PIGL: variants seen among roughly 807,000 people sequenced by gnomAD.
PIGL encodes the protein phosphatidylinositol glycan anchor biosynthesis class L, also known as N-acetylglucosaminyl-phosphatidylinositol de-N-acetylase.
In PIGL, 22 loss-of-function variants were observed where a neutral mutation model predicts 31.1. The observed-to-expected ratio is 0.71, with a 90% CI of 0.51 to 1.01. The LOEUF is 1.01. Among genes scored for constraint, PIGL ranks in the 50% least tolerant of loss-of-function variants. The probability of loss-of-function intolerance (pLI) is 0.00; values close to 1 mark genes in which losing one functional copy is unlikely to be tolerated. For synonymous variants in PIGL, 131 were observed against 117.4 expected, an observed-to-expected ratio of 1.12 and a Z score of -0.75; for missense variants, 302 against 315.9, an observed-to-expected ratio of 0.96 and a Z score of 0.33.
At chr17:16,278,169 C>T (rs1365079126) in intron 2 of PIGL, among the ~76,000 whole-genome samples, 1 of 152,058 alleles carries the variant, frequency 6.6e-6, no homozygotes, top group Non-Finnish European at 1.5e-5. Flanking sequence ...AATTCTTCTG[C>T]CTCAGTCTAC....
intron 1 of PIGL, among the ~76,000 whole-genome samples, chr17:16,221,387 A>G (rs553979975): frequency 7.9e-5 from 12 of 152,208 alleles, no homozygotes; most frequent in African/African-American, 2.6e-4. Flanking sequence ...TCTTGGGCTC[A>G]AGTGATCCTC....
At chr17:16,313,430 T>A (rs895663352) in intron 3 of PIGL, 117 bp from the exon 4 acceptor site, 13 of 766,350 alleles carry the variant, frequency 1.7e-5, no homozygotes, top group South Asian at 2.9e-5. Context: ...TTCAGATAGA[T>A]GCTGCATTTG....
At chr17:16,246,258 AC>A (rs1302172143) in intron 2 of PIGL, among the ~76,000 whole-genome samples, 1 of 150,926 alleles carries the variant, frequency 6.6e-6, no homozygotes, top group African/African-American at 2.4e-5. Context: ...GGTGGCTCAC[AC>A]CTGTAATCCC....
rs1218155885 is a variant in PIGL, at chr17:16,302,592, CT to C, written c.426+2621del. ...TGCTCCTGCTGTAGGGTACTCTTAT[CT>C]TTTTTTCTTTTTCTTTTTTTTCTGT... On this transcript the variant is annotated intron_variant, in intron 3 of 6. Coordinates refer to ENST00000225609, the MANE Select transcript of PIGL (RefSeq NM_004278.4). Among the ~76,000 whole-genome samples the C allele has an allele frequency of 5.3e-5, 8 of 152,098 alleles. No homozygotes were observed. The East Asian group carries it at 1.5e-3, about 29-fold the overall frequency.
chr17:16,220,208 T>C (rs1430187802), intron 1 of PIGL, among the ~76,000 whole-genome samples: 1 of 151,872 alleles, frequency 6.6e-6, no homozygotes, highest in African/African-American at 2.4e-5. Flanking sequence ...ATTAGCTGGC[T>C]GTGGTGGTCC....
At chr17:16,217,646 A>AAT in intron 1 of PIGL, 185 bp downstream of exon 1, 7 of 511,604 alleles carry the variant, frequency 1.4e-5, no homozygotes, top group Non-Finnish European at 2.1e-5. Flanking sequence ...GGGTTGGGGG[A>AAT]CGTCGGCAGC....
chr17:16,279,431 A>G (rs1375783482), intron 2 of PIGL, among the ~76,000 whole-genome samples: 2 of 152,250 alleles, frequency 1.3e-5, no homozygotes, highest in East Asian at 1.9e-4. Context: ...AAATGAATGC[A>G]TATAATAAAG....
intron 2 of PIGL, among the ~76,000 whole-genome samples, chr17:16,243,802 A>G (rs149791806): frequency 6.0e-4 from 91 of 152,320 alleles, no homozygotes; most frequent in Non-Finnish European, 7.5e-4. Context: ...CACCTTGCCC[A>G]CTGCCTAGAC....
At chr17:16,309,491 G>A (rs768355019) in intron 3 of PIGL, among the ~76,000 whole-genome samples, 2 of 152,140 alleles carry the variant, frequency 1.3e-5, no homozygotes, top group African/African-American at 2.4e-5. Context: ...GGCCGGGCAC[G>A]GTGGCTCACA....
At chr17:16,257,964 G>C (rs1411841557) in intron 2 of PIGL, among the ~76,000 whole-genome samples, 1 of 151,010 alleles carries the variant, frequency 6.6e-6, no homozygotes, top group Admixed American at 6.6e-5. Context: ...TTGGGAGGTT[G>C]AGGTGGGAGA....
In PIGL at chr17:16,258,098, AG is replaced by A. The variant is rs1568802808; in HGVS notation, c.335+24029del. 2.0e-3 allele frequency among the ~76,000 whole-genome samples: 258 copies of A among 130,218 alleles called. 1 individual carries two copies. The highest frequency in any genetic ancestry group is 0.012 in the East Asian group (54 of 4,654). 85.4% of individuals were successfully genotyped at this position (130,218 alleles called of 152,430 possible). A position where few individuals can be genotyped will look rare whatever the true frequency, so the allele number is the denominator to read the frequency against. On this transcript the variant is annotated intron_variant, in intron 2 of 6. Transcript: ENST00000225609. ...GAGAGAGAGAGAGAGAGAGAGAGAGAGAGAAAGAGAGAGAGAGAGAGAGAGA... is the reference window on the plus strand; with the variant it reads ...GAGAGAGAGAGAGAGAGAGAGAGAGAAGAAAGAGAGAGAGAGAGAGAGAGA...
intron 2 of PIGL, among the ~76,000 whole-genome samples, chr17:16,243,211 A>G (rs1049477734): frequency 1.3e-5 from 2 of 151,692 alleles, no homozygotes; most frequent in Non-Finnish European, 2.9e-5. Flanking sequence ...CCACCCACCC[A>G]GCTAATTTTT....
chr17:16,270,783 G>C (rs2092868290), intron 2 of PIGL, among the ~76,000 whole-genome samples: 1 of 151,942 alleles, frequency 6.6e-6, no homozygotes, highest in African/African-American at 2.4e-5. Context: ...TGTAATCCCA[G>C]CTACTCGGGA....
chr17:16,267,641 G>A (rs992493795), intron 2 of PIGL, among the ~76,000 whole-genome samples: 22 of 151,100 alleles, frequency 1.5e-4, no homozygotes, highest in Admixed American at 5.3e-4. Context: ...ACTGCAGTGG[G>A]CTATGATGGT....
intron 2 of PIGL, among the ~76,000 whole-genome samples, chr17:16,268,270 A>G (rs930115688): frequency 1.6e-4 from 25 of 152,150 alleles, no homozygotes; most frequent in African/African-American, 5.6e-4. Flanking sequence ...GCTGCATGCT[A>G]TGATATTGGG....
chr17:16,300,864 A>G (rs978062675), intron 3 of PIGL, among the ~76,000 whole-genome samples: 1 of 152,160 alleles, frequency 6.6e-6, no homozygotes, highest in Non-Finnish European at 1.5e-5. Flanking sequence ...TTTTGATGCA[A>G]TTAGAGCAAT....
At chr17:16,320,925 G>T (rs1318968821) in intron 6 of PIGL, among the ~76,000 whole-genome samples, 1 of 134,466 alleles carries the variant, frequency 7.4e-6, no homozygotes, top group Non-Finnish European at 1.6e-5. Context: ...ATGAGCCACT[G>T]TGCCTGGCCA....
chr17:16,220,775 AC>A (rs2092625030), intron 1 of PIGL, among the ~76,000 whole-genome samples: 1 of 152,028 alleles, frequency 6.6e-6, no homozygotes. Flanking sequence ...GGCGTGAGCC[AC>A]CGCGCCCAGC....
intron 2 of PIGL, among the ~76,000 whole-genome samples, chr17:16,254,816 A>G (rs1157299555): frequency 6.6e-6 from 1 of 151,546 alleles, no homozygotes; most frequent in Non-Finnish European, 1.5e-5. Context: ...GTTAGCCAGG[A>G]TGGTCTCAAT....
Sources: gnomAD v4.1 joint callset for allele counts (sites outside exome capture counted in the v4.1 genomes callset) on GRCh38, gnomAD v4.1.1 for gene constraint, MANE v1.5 for transcripts, NCBI Gene and HGNC (gene_info 2026-07-23, HGNC 2026-07-21) for gene names.